Variants in ARHGAP19 observed in about 807,000 individuals in gnomAD.
ARHGAP19 encodes rho GTPase-activating protein 19.
Under a neutral mutation model 60.9 loss-of-function variants are expected in ARHGAP19, and 48 were observed. That is an observed-to-expected ratio of 0.79 (90% CI 0.62 to 1.00). The LOEUF (loss-of-function observed/expected upper bound fraction) is 1.00. Ranked by LOEUF, ARHGAP19 falls within the 50% of genes least tolerant of loss-of-function variation. The probability of loss-of-function intolerance (pLI) is 0.00; values close to 1 mark genes in which losing one functional copy is unlikely to be tolerated. For synonymous variants in ARHGAP19, 209 were observed against 215.5 expected (o/e 0.97, Z 0.27); for missense variants, 562 against 597.2 (o/e 0.94, Z 0.61).
intron 6 of ARHGAP19, 124 bp from the exon 7 acceptor site, chr10:97,246,461 TC>T: frequency 1.4e-6 from 1 of 723,178 alleles, no homozygotes; most frequent in Non-Finnish European, 2.3e-6. Flanking sequence ...AAGCCAAAGA[TC>T]CTCAAAATTC....
chr10:97,230,651 TTC>T (rs1442717280), intron 9 of ARHGAP19, among the ~76,000 whole-genome samples: 3 of 152,102 alleles, frequency 2.0e-5, no homozygotes, highest in Non-Finnish European at 2.9e-5. Flanking sequence ...ATTCAGAACA[TTC>T]TGATTTAATA....
intron 6 of ARHGAP19, among the ~76,000 whole-genome samples, chr10:97,255,140 C>T (rs1018679289): frequency 1.3e-5 from 2 of 152,012 alleles, no homozygotes; most frequent in Non-Finnish European, 2.9e-5. Context: ...AAATGGATGG[C>T]GATGATGGCT....
intron 5 of ARHGAP19, among the ~76,000 whole-genome samples, chr10:97,257,565 C>G (rs184811370): frequency 6.6e-6 from 1 of 152,244 alleles, no homozygotes; most frequent in African/African-American, 2.4e-5. Flanking sequence ...CTCAGCCTCC[C>G]AAAGTGCTGT....
At chr10:97,247,134 T>C (rs373660392) in intron 6 of ARHGAP19, among the ~76,000 whole-genome samples, 5 of 148,958 alleles carry the variant, frequency 3.4e-5, no homozygotes, top group Non-Finnish European at 5.9e-5. Context: ...CGAAACTCCA[T>C]CTCAAAAAAA....
At chr10:97,252,466 C>T (rs916915701) in intron 6 of ARHGAP19, among the ~76,000 whole-genome samples, 1 of 150,280 alleles carries the variant, frequency 6.7e-6, no homozygotes, top group Non-Finnish European at 1.5e-5. Flanking sequence ...ACTAAAAATA[C>T]AAAAAAAATT....
chr10:97,272,085 T>C (rs1842965165), intron 1 of ARHGAP19, among the ~76,000 whole-genome samples: 1 of 151,612 alleles, frequency 6.6e-6, no homozygotes, highest in South Asian at 2.1e-4. Context: ...CATTAGGTTT[T>C]ATATCAAGGT....
chr10:97,245,302 C>T (rs1333430253), intron 7 of ARHGAP19, among the ~76,000 whole-genome samples: 1 of 151,992 alleles, frequency 6.6e-6, no homozygotes, highest in African/African-American at 2.4e-5. Flanking sequence ...CCACCACACT[C>T]GGCCATAACT....
intron 9 of ARHGAP19, 147 bp downstream of exon 9, chr10:97,235,070 C>T (rs1045554908): frequency 1.2e-5 from 8 of 687,450 alleles, no homozygotes; most frequent in Non-Finnish European, 2.0e-5. Context: ...AATATAAAAG[C>T]TTTTCAACAT....
chr10:97,235,992 C>A (rs910949586), intron 8 of ARHGAP19, among the ~76,000 whole-genome samples: 10 of 152,038 alleles, frequency 6.6e-5, no homozygotes, highest in African/African-American at 2.2e-4. Flanking sequence ...GCTGTTGTTG[C>A]TGGAGACAGA....
intron 4 of ARHGAP19, 98 bp downstream of exon 4, chr10:97,263,322 G>A (rs1411307650): frequency 1.7e-5 from 21 of 1,208,318 alleles, no homozygotes; most frequent in African/African-American, 1.5e-5. Flanking sequence ...AATATTAATA[G>A]AAGTATTTCT....
At chr10:97,249,850 G>C (rs914629881) in intron 6 of ARHGAP19, among the ~76,000 whole-genome samples, 11 of 145,682 alleles carry the variant, frequency 7.6e-5, no homozygotes, top group Admixed American at 5.6e-4. Context: ...CCAGGCTGGA[G>C]TGCAGTGGCA....
chr10:97,258,316 A>G (rs1842783218), intron 5 of ARHGAP19, among the ~76,000 whole-genome samples: 1 of 152,202 alleles, frequency 6.6e-6, no homozygotes, highest in Admixed American at 6.5e-5. Flanking sequence ...ACCTGAGGTC[A>G]GCAGTTCGAG....
Position 97,292,519 on chromosome 10 carries a change from G to A in ARHGAP19, c.56+53C>T. 2.5e-6 allele frequency: 4 copies of A among 1,604,316 alleles called. No homozygotes were observed. The Admixed American group carries it at 6.7e-5, about 27-fold the overall frequency. On this transcript the variant is annotated intron_variant, in intron 1 of 11. Coordinates refer to ENST00000358531, the MANE Select transcript of ARHGAP19 (RefSeq NM_032900.6). ...CCGTGACCCAAGGCAAAGGCGGCAG[G>A]ACTACCAGCCCAAGGCCGCGTTTCC...
intron 4 of ARHGAP19, among the ~76,000 whole-genome samples, chr10:97,261,410 A>G (rs1210482217): frequency 1.3e-5 from 2 of 152,242 alleles, no homozygotes; most frequent in East Asian, 3.8e-4. Flanking sequence ...AGAACAGTCA[A>G]TCACAGGGTA....
At chr10:97,288,302 C>T (rs1293849555) in intron 1 of ARHGAP19, among the ~76,000 whole-genome samples, 2 of 151,520 alleles carry the variant, frequency 1.3e-5, no homozygotes, top group Non-Finnish European at 2.9e-5. Context: ...ATCCCTGCAG[C>T]CGGGAGTGGT....
chr10:97,279,629 A>G (rs1344431784), intron 1 of ARHGAP19, among the ~76,000 whole-genome samples: 3 of 152,054 alleles, frequency 2.0e-5, no homozygotes, highest in African/African-American at 7.3e-5. Context: ...AGTAGCTGGG[A>G]CCATAGACAT....
intron 5 of ARHGAP19, among the ~76,000 whole-genome samples, chr10:97,256,921 A>G (rs1411814768): frequency 4.0e-4 from 61 of 152,232 alleles, no homozygotes; most frequent in Non-Finnish European, 4.4e-5. Flanking sequence ...GGAGATTGAG[A>G]CCATCCTGGC....
At chr10:97,255,632 A>C (rs749986869) in intron 6 of ARHGAP19, among the ~76,000 whole-genome samples, 3 of 152,188 alleles carry the variant, frequency 2.0e-5, no homozygotes, top group African/African-American at 7.2e-5. Flanking sequence ...TACACTAAAG[A>C]AAAGGTCAAG....
chr10:97,252,964 T>C (rs1371300458), intron 6 of ARHGAP19, among the ~76,000 whole-genome samples: 2 of 152,140 alleles, frequency 1.3e-5, no homozygotes, highest in African/African-American at 4.8e-5. Flanking sequence ...TGGAATACTA[T>C]TCCGCCATAA....
Sources: gnomAD v4.1 joint callset for allele counts (sites outside exome capture counted in the v4.1 genomes callset) on GRCh38, gnomAD v4.1.1 for gene constraint, MANE v1.5 for transcripts, NCBI Gene and HGNC (gene_info 2026-07-23, HGNC 2026-07-21) for gene names.